Variants in TAB3 observed in about 807,000 individuals in gnomAD.
TAB3 encodes the protein TGF-beta activated kinase 1 (MAP3K7) binding protein 3.
Under a neutral mutation model 48.1 loss-of-function variants are expected in TAB3, and 18 were observed. That is an observed-to-expected ratio of 0.37 (90% CI 0.26 to 0.55). The LOEUF (loss-of-function observed/expected upper bound fraction) is 0.55. TAB3 is among the 20% of genes least tolerant of loss of function. The pLI, the probability that TAB3 is intolerant of heterozygous loss-of-function variation, is 0.78. For missense variants in TAB3, 414 were observed against 549.8 expected (o/e 0.75, Z 2.47); for synonymous variants, 185 against 190.2 (o/e 0.97, Z 0.22).
chrX:30,842,814 A>G (rs1017157520), intron 9 of TAB3, 152 bp downstream of exon 9: 2 of 385,842 alleles, frequency 5.2e-6, no homozygotes, highest in Non-Finnish European at 8.7e-6. Flanking sequence ...CAGCAGAATG[A>G]GACCCTGTCT....
At chrX:30,848,045 G>A (rs1306193812) in intron 7 of TAB3, among the ~76,000 whole-genome samples, 1 of 112,232 alleles carries the variant, frequency 8.9e-6, no homozygotes, top group African/African-American at 3.2e-5. Context: ...TAAAGATAAT[G>A]TAAGGGCTCC....
At chrX:30,863,990 A>G (rs999813307) in intron 4 of TAB3, among the ~76,000 whole-genome samples, 6 of 112,399 alleles carry the variant, frequency 5.3e-5, no homozygotes, top group African/African-American at 1.9e-4. Flanking sequence ...ACAACTACTA[A>G]GCAAAATACA....
intron 1 of TAB3, among the ~76,000 whole-genome samples, chrX:30,874,554 G>A (rs1939767398): frequency 1.8e-5 from 2 of 111,903 alleles, no homozygotes; most frequent in Admixed American, 1.9e-4. Context: ...AATAAACAAG[G>A]GTATTTGACA....
At chrX:30,846,186 T>A in intron 8 of TAB3, 1 of 536,429 alleles carries the variant, frequency 1.9e-6, no homozygotes, top group Non-Finnish European at 2.5e-6. Flanking sequence ...TCTGATACTC[T>A]GATTTGGGAT....
At chrX:30,855,976 T>G (rs994251816) in intron 5 of TAB3, among the ~76,000 whole-genome samples, 6 of 111,901 alleles carry the variant, frequency 5.4e-5, no homozygotes, top group South Asian at 3.7e-4. Context: ...ATATTTAAAT[T>G]GATAAAAAAC....
intron 4 of TAB3, among the ~76,000 whole-genome samples, chrX:30,860,894 G>A (rs1422945086): frequency 1.8e-5 from 2 of 111,480 alleles, no homozygotes; most frequent in African/African-American, 6.5e-5. Flanking sequence ...CTATTTTTCG[G>A]TATTAGACAA....
chrX:30,841,847 C>T (rs968793622), intron 9 of TAB3, among the ~76,000 whole-genome samples: 8 of 112,304 alleles, frequency 7.1e-5, no homozygotes, highest in South Asian at 3.7e-4. Context: ...GGGTCTCTGT[C>T]GCCTAGGCTG....
chrX:30,833,171 C>T lies in TAB3; in HGVS notation c.1990+880G>A, dbSNP rs773267296. Among the ~76,000 whole-genome samples the T allele has an allele frequency of 1.2e-4, 13 of 107,910 alleles. No individual in the cohort carries two copies. The East Asian group carries it at 3.0e-3, about 25-fold the overall frequency. The allele number at this position is 107,910 out of a possible 115,157, so 93.7% of individuals were successfully genotyped here. ...GTTTTTAGTAGAGACAGGGTTTCAC[C>T]GTGTTAGCCAGGATGGTTCGATCTC... On this transcript the variant is annotated intron_variant, in intron 10 of 10. Coordinates refer to ENST00000288422, the MANE Select transcript of TAB3 (RefSeq NM_152787.5).
chrX:30,853,068 T>C (rs1938918796), intron 6 of TAB3, 130 bp from the exon 7 acceptor site: 1 of 641,810 alleles, frequency 1.6e-6, no homozygotes, highest in South Asian at 3.0e-5. Context: ...CATGTCTTTC[T>C]AATGCTATGC....
intron 8 of TAB3, 119 bp downstream of exon 8, chrX:30,846,432 G>T: frequency 2.1e-6 from 1 of 485,132 alleles, no homozygotes; most frequent in Non-Finnish European, 3.3e-6. Flanking sequence ...TCTTTCCCAG[G>T]ATTGTAATCT....
rs1041371745 is a variant in TAB3, at chrX:30,830,758, T to G, written c.*669A>C. On this transcript the variant is annotated 3_prime_UTR_variant, in exon 11 of 11. Coordinates refer to ENST00000288422, the MANE Select transcript of TAB3 (RefSeq NM_152787.5). ...CACACTGTACAAGCCAAAGGCATCT[T>G]ACCACCTCTGATTGTACTTTTAAAC... 6 of 112,170 alleles carry G rather than the reference T, an allele frequency of 5.3e-5. No individual in the cohort carries two copies. Among genetic ancestry groups the G allele is most frequent in the Non-Finnish European group, 9.4e-5 (5 of 53,250 alleles). 9.2% of individuals were successfully genotyped at this position (112,170 alleles called of 1,213,427 possible).
chrX:30,886,779 C>T (rs1940143776), intron 1 of TAB3, among the ~76,000 whole-genome samples: 1 of 112,393 alleles, frequency 8.9e-6, no homozygotes, highest in Admixed American at 9.4e-5. Context: ...GGCTGTTCCA[C>T]TTCAACTCTA....
intron 1 of TAB3, among the ~76,000 whole-genome samples, chrX:30,879,847 C>T (rs1443724852): frequency 9.0e-6 from 1 of 111,491 alleles, no homozygotes; most frequent in East Asian, 2.8e-4. Context: ...CAAATACATA[C>T]TCTAAAGATA....
intron 2 of TAB3, among the ~76,000 whole-genome samples, chrX:30,870,887 G>T (rs183826251): frequency 8.9e-6 from 1 of 112,092 alleles, no homozygotes; most frequent in East Asian, 2.8e-4. Flanking sequence ...GCGAAACCCT[G>T]AACTCAACCC....
Position 30,865,675 on chromosome X carries a change from T to C in TAB3, c.-91+1440A>G, listed in dbSNP as rs370989999. Among the ~76,000 whole-genome samples the C allele has an allele frequency of 8.9e-5, 10 of 112,206 alleles. No individual in the cohort carries two copies. The East Asian group carries it at 2.5e-3, about 28-fold the overall frequency. Reference sequence around the variant, plus strand: ...TGCCTGTGGTTACACAGTCAACCAGTAGCAAAGCTAGGATACAAATTTAAG... The same window carrying C: ...TGCCTGTGGTTACACAGTCAACCAGCAGCAAAGCTAGGATACAAATTTAAG... On this transcript the variant is annotated intron_variant, in intron 4 of 10. Transcript: ENST00000288422.
At chrX:30,841,920 T>C (rs1938457590) in intron 9 of TAB3, among the ~76,000 whole-genome samples, 1 of 111,976 alleles carries the variant, frequency 8.9e-6, no homozygotes, top group Non-Finnish European at 1.9e-5. Context: ...GTGATTCTCA[T>C]GCCTTAGCCA....
In TAB3 at chrX:30,854,372, A is replaced by G. The variant is rs1938982741; in HGVS notation, c.1293T>C (p.Tyr431=). The change falls in exon 6 of 11, where the codon TAT becomes TAC. Residue 431 remains tyrosine (Y), a synonymous_variant. Transcript: ENST00000288422. ...PFSVNPVYIT[Y]TQPTGPSCTP... is the part of the protein sequence containing the mutation. ...TACAAGAAGGTCCAGTTGGCTGTGT[A>G]TATGTAATATACACAGGATTAACAC... 2 of 1,209,925 alleles carry G rather than the reference A, an allele frequency of 1.7e-6. No individual in the cohort carries two copies. Among genetic ancestry groups the G allele is most frequent in the Non-Finnish European group, 2.2e-6 (2 of 895,206 alleles).
chrX:30,854,957 A>C lies in TAB3; in HGVS notation c.708T>G (p.Ser236=), dbSNP rs1186702290. Residue 236 remains serine (S), a synonymous_variant, in exon 6 of 11, where the codon TCT becomes TCG. Transcript: ENST00000288422. The part of the protein sequence containing the change: ...SPGSIYIRQT[S]QSSSGRQTPQ... Reference sequence around the variant, plus strand: ...GAGTTTGTCTTCCTGATGAACTCTGAGATGTCTGTCTAATATAAATAGAAC... The same window carrying C: ...GAGTTTGTCTTCCTGATGAACTCTGCGATGTCTGTCTAATATAAATAGAAC... 2 of 1,209,097 alleles carry C rather than the reference A, an allele frequency of 1.7e-6. No homozygotes were observed. The highest frequency in any genetic ancestry group is 5.9e-5 in the East Asian group (2 of 33,815).
chrX:30,847,361 G>A (rs1465622481), intron 7 of TAB3, among the ~76,000 whole-genome samples: 1 of 109,382 alleles, frequency 9.1e-6, no homozygotes, highest in Non-Finnish European at 1.9e-5. Context: ...ACCTCTTCAG[G>A]CCAGCCCACT....
Sources: allele counts gnomAD v4.1 joint callset (sites outside exome capture counted in the v4.1 genomes callset), GRCh38; gene constraint gnomAD v4.1.1; transcripts MANE v1.5; gene names NCBI Gene and HGNC (gene_info 2026-07-23, HGNC 2026-07-21).